TENM3: variants seen among roughly 807,000 people sequenced by gnomAD.
The protein encoded by TENM3 is teneurin transmembrane protein 3, also known as teneurin-3.
Under a neutral mutation model 255.1 loss-of-function variants are expected in TENM3, and 63 were observed. That is an observed-to-expected ratio of 0.25 (90% CI 0.20 to 0.30). TENM3 has a LOEUF of 0.30. Among genes scored for constraint, TENM3 ranks in the 10% least tolerant of loss-of-function variants. The pLI is 1.00. For synonymous variants in TENM3, 1,306 were observed against 1,322.3 expected, an observed-to-expected ratio of 0.99 and a Z score of 0.27; for missense variants, 2,929 against 3,461.1, an observed-to-expected ratio of 0.85 and a Z score of 3.86.
chr4:182,643,374 GAAC>G (rs1441785761), intron 5 of TENM3, among the ~76,000 whole-genome samples: 10 of 152,132 alleles, frequency 6.6e-5, no homozygotes, highest in Non-Finnish European at 1.5e-4. Context: ...TTAAAATCAA[GAAC>G]AACATCGGTA....
the TENM3 span, among the ~76,000 whole-genome samples, chr4:181,914,488 C>A: frequency 6.6e-6 from 1 of 152,144 alleles, no homozygotes; most frequent in African/African-American, 2.4e-5. Context: ...TATCGTGTCT[C>A]TCCTAATGTG....
At chr4:182,662,560 T>C (rs1233805724) in intron 6 of TENM3, among the ~76,000 whole-genome samples, 1 of 152,130 alleles carries the variant, frequency 6.6e-6, no homozygotes, top group East Asian at 1.9e-4. Context: ...CAGACAACCT[T>C]AGTGTTTCCT....
intron 5 of TENM3, among the ~76,000 whole-genome samples, chr4:182,642,538 C>A (rs1752405621): frequency 6.6e-6 from 1 of 152,168 alleles, no homozygotes; most frequent in East Asian, 1.9e-4. Context: ...AAAGCTAAAT[C>A]ACTGTGTGTT....
the TENM3 span, among the ~76,000 whole-genome samples, chr4:181,997,229 C>G: frequency 1.3e-5 from 2 of 152,128 alleles, no homozygotes; most frequent in African/African-American, 4.8e-5. Flanking sequence ...TTATTGGTGT[C>G]AAGCCCAGCA....
intron 1 of TENM3, among the ~76,000 whole-genome samples, chr4:182,283,730 C>CT (rs1760548829): frequency 1.3e-5 from 2 of 152,170 alleles, no homozygotes; most frequent in Non-Finnish European, 2.9e-5. Flanking sequence ...GAAATACTCT[C>CT]TGAGATTTGC....
At chr4:181,980,748 G>T in the TENM3 span, among the ~76,000 whole-genome samples, 2 of 152,256 alleles carry the variant, frequency 1.3e-5, no homozygotes, top group South Asian at 4.1e-4. Flanking sequence ...AAATGAAAAT[G>T]ATTACATCGA....
At chr4:182,212,369 C>T (rs1561203181) in intron 1 of TENM3, among the ~76,000 whole-genome samples, 1 of 152,150 alleles carries the variant, frequency 6.6e-6, no homozygotes, top group Non-Finnish European at 1.5e-5. Flanking sequence ...AGGAGAGTGC[C>T]GCAGCTGCAA....
the TENM3 span, among the ~76,000 whole-genome samples, chr4:181,759,869 A>G: frequency 6.6e-6 from 1 of 151,996 alleles, no homozygotes; most frequent in Admixed American, 6.6e-5. Flanking sequence ...GGTTTGACAT[A>G]TTAACTCATA....
the TENM3 span, among the ~76,000 whole-genome samples, chr4:181,900,738 T>C: frequency 1.8e-3 from 272 of 152,334 alleles, 1 homozygote; most frequent in African/African-American, 5.4e-3. Context: ...GCTTCCGTCT[T>C]TCTCCTCCGT....
chr4:182,019,576 C>T, the TENM3 span, among the ~76,000 whole-genome samples: 253 of 152,280 alleles, frequency 1.7e-3, no homozygotes, highest in African/African-American at 5.6e-3. Flanking sequence ...CAAAGTAGTA[C>T]GTAAACATCA....
chr4:182,700,017 C>T lies in TENM3; in HGVS notation c.2221+11666C>T, dbSNP rs534394020. On this transcript the variant is annotated intron_variant, in intron 12 of 27. Coordinates refer to ENST00000511685, the MANE Select transcript of TENM3 (RefSeq NM_001080477.4). ...CCAAGGCATTTAAGAGTGAAACCAGCTGCAGAATAATATGTTGTCAGCTAT... is the reference window on the plus strand; with the variant it reads ...CCAAGGCATTTAAGAGTGAAACCAGTTGCAGAATAATATGTTGTCAGCTAT... Among the ~76,000 whole-genome samples, 11 of 152,196 alleles carry T rather than the reference C, an allele frequency of 7.2e-5. No homozygotes were observed. In the South Asian group the frequency reaches 2.3e-3, roughly 32 times the overall value.
At chr4:181,828,470 G>A in the TENM3 span, among the ~76,000 whole-genome samples, 55 of 152,336 alleles carry the variant, frequency 3.6e-4, no homozygotes, top group African/African-American at 1.3e-3. Context: ...TAGCCATTAT[G>A]ATTCTATTCG....
chr4:182,269,720 A>G (rs1012825960), intron 1 of TENM3, among the ~76,000 whole-genome samples: 19 of 152,150 alleles, frequency 1.2e-4, no homozygotes, highest in African/African-American at 4.6e-4. Flanking sequence ...CAGTTATCGT[A>G]ATTAAGGGAA....
intron 3 of TENM3, 109 bp downstream of exon 3, chr4:182,347,038 TTCTC>T: frequency 1.1e-6 from 1 of 933,238 alleles, no homozygotes; most frequent in Non-Finnish European, 1.6e-6. Flanking sequence ...TCATCCTTCT[TTCTC>T]TCTCTTTCTT....
At chr4:182,669,213 G>T (rs1754982426) in intron 6 of TENM3, among the ~76,000 whole-genome samples, 1 of 152,076 alleles carries the variant, frequency 6.6e-6, no homozygotes, top group Non-Finnish European at 1.5e-5. Flanking sequence ...AAACTTATGA[G>T]GAACTTATGA....
chr4:181,860,623 C>T, the TENM3 span, among the ~76,000 whole-genome samples: 2 of 152,124 alleles, frequency 1.3e-5, no homozygotes, highest in African/African-American at 4.8e-5. Context: ...GGTTGATTAT[C>T]AGGTTGACGA....
At chr4:182,560,144 A>G (rs1743010067) in intron 3 of TENM3, among the ~76,000 whole-genome samples, 1 of 151,760 alleles carries the variant, frequency 6.6e-6, no homozygotes, top group Non-Finnish European at 1.5e-5. Context: ...TCACACACAC[A>G]CACCCTGAAT....
chr4:181,776,195 C>T, the TENM3 span, among the ~76,000 whole-genome samples: 1 of 152,054 alleles, frequency 6.6e-6, no homozygotes, highest in Non-Finnish European at 1.5e-5. Context: ...TGGTTCTGGC[C>T]TATTTCATTT....
At chr4:181,744,768 G>C in the TENM3 span, among the ~76,000 whole-genome samples, 3 of 152,146 alleles carry the variant, frequency 2.0e-5, no homozygotes. Context: ...AATAGTTTTG[G>C]TATGAGATGA....
Sources: allele counts gnomAD v4.1 joint callset (sites outside exome capture counted in the v4.1 genomes callset), GRCh38; gene constraint gnomAD v4.1.1; transcripts MANE v1.5; gene names NCBI Gene and HGNC (gene_info 2026-07-23, HGNC 2026-07-21).